The following FTO variants were observed in gnomAD, a reference collection of about 807,000 sequenced individuals.
FTO encodes the protein alpha-ketoglutarate-dependent dioxygenase FTO.
Under a neutral mutation model 63.9 loss-of-function variants are expected in FTO, and 47 were observed. The observed-to-expected ratio is 0.74, with a 90% CI of 0.58 to 0.94. The LOEUF (loss-of-function observed/expected upper bound fraction) is 0.94. Ranked by LOEUF, FTO falls within the 40% of genes least tolerant of loss-of-function variation. FTO has a pLI of 0.00. For synonymous variants in FTO, 207 were observed against 224.4 expected, an observed-to-expected ratio of 0.92 and a Z score of 0.69; for missense variants, 562 against 618.1, an observed-to-expected ratio of 0.91 and a Z score of 0.96.
At chr16:53,714,518 G>A (rs866448017) in intron 1 of FTO, among the ~76,000 whole-genome samples, 1 of 151,908 alleles carries the variant, frequency 6.6e-6, no homozygotes, top group East Asian at 1.9e-4. Context: ...TTGTCTGTCA[G>A]CACAACAGCA....
intron 4 of FTO, among the ~76,000 whole-genome samples, chr16:53,853,318 G>A (rs13337496): frequency 0.39 from 59,067 of 151,932 alleles, 13,995 homozygotes; most frequent in East Asian, 0.83. Context: ...AAAAAAAAAT[G>A]TATTTTAAAT....
At chr16:53,828,148 T>C (rs2079057050) in intron 3 of FTO, among the ~76,000 whole-genome samples, 1 of 152,184 alleles carries the variant, frequency 6.6e-6, no homozygotes, top group Non-Finnish European at 1.5e-5. Context: ...AATATAGAAA[T>C]GTTGGTACTT....
intron 7 of FTO, among the ~76,000 whole-genome samples, chr16:53,890,598 TG>T (rs1380903190): frequency 1.3e-5 from 2 of 152,232 alleles, no homozygotes; most frequent in Non-Finnish European, 2.9e-5. Context: ...GATATACGTC[TG>T]GGGAAGGAAT....
chr16:53,976,026 A>G (rs1245628622), intron 8 of FTO, among the ~76,000 whole-genome samples: 11 of 152,298 alleles, frequency 7.2e-5, no homozygotes, highest in African/African-American at 2.6e-4. Flanking sequence ...CCAAAATAGC[A>G]AAGTTCCCTG....
intron 8 of FTO, among the ~76,000 whole-genome samples, chr16:54,078,014 T>C (rs1458786255): frequency 6.6e-6 from 1 of 152,086 alleles, no homozygotes; most frequent in Non-Finnish European, 1.5e-5. Flanking sequence ...TCCATGCTGG[T>C]GACAAGGGGG....
chr16:54,108,510 C>T (rs1383566912), intron 8 of FTO, among the ~76,000 whole-genome samples: 1 of 152,112 alleles, frequency 6.6e-6, no homozygotes, highest in Non-Finnish European at 1.5e-5. Flanking sequence ...CCCAGAGCTT[C>T]CCCTAGAAGG....
chr16:53,855,962 G>T (rs2079979071), intron 4 of FTO, among the ~76,000 whole-genome samples: 1 of 152,136 alleles, frequency 6.6e-6, no homozygotes, highest in African/African-American at 2.4e-5. Context: ...TTCAATTAGA[G>T]TCACCCTGTT....
intron 8 of FTO, among the ~76,000 whole-genome samples, chr16:54,011,590 G>C (rs1454596514): frequency 6.6e-6 from 1 of 152,170 alleles, no homozygotes; most frequent in Non-Finnish European, 1.5e-5. Flanking sequence ...GTAGAAACCT[G>C]CATTGAGTAA....
chr16:53,894,902 A>G (rs2081239779), intron 7 of FTO, among the ~76,000 whole-genome samples: 2 of 152,282 alleles, frequency 1.3e-5, no homozygotes, highest in South Asian at 2.1e-4. Context: ...TAAGCATCCA[A>G]AAATTCAGTT....
intron 1 of FTO, among the ~76,000 whole-genome samples, chr16:53,777,032 A>G (rs898986045): frequency 2.0e-5 from 3 of 152,188 alleles, no homozygotes; most frequent in Non-Finnish European, 2.9e-5. Flanking sequence ...GCTAATTAAC[A>G]TATCTGTCAC....
At chr16:53,759,953 C>A (rs1169773147) in intron 1 of FTO, among the ~76,000 whole-genome samples, 1 of 152,048 alleles carries the variant, frequency 6.6e-6, no homozygotes. Flanking sequence ...TTAAACTCAT[C>A]TTTTGCTTGG....
chr16:54,038,087 G>T (rs1254584257), intron 8 of FTO, among the ~76,000 whole-genome samples: 2 of 152,142 alleles, frequency 1.3e-5, no homozygotes, highest in African/African-American at 4.8e-5. Flanking sequence ...CTTTATTCCG[G>T]CAGTGAACAC....
intron 8 of FTO, among the ~76,000 whole-genome samples, chr16:54,093,240 A>G (rs2086436296): frequency 6.6e-6 from 1 of 152,216 alleles, no homozygotes. Flanking sequence ...CTCCTGCTAG[A>G]AAGAACAGTT....
chr16:54,104,207 A>G (rs2086697625), intron 8 of FTO, among the ~76,000 whole-genome samples: 1 of 151,922 alleles, frequency 6.6e-6, no homozygotes, highest in Non-Finnish European at 1.5e-5. Context: ...AAGGCCATTG[A>G]GAGGATTGTT....
At position 54,119,578 on chromosome 16, in the gene FTO, G is replaced by T. The variant is rs2086992822; in HGVS notation, c.*7663G>T. 6.6e-6 allele frequency: 1 copy of T among 152,136 alleles called. No individual in the cohort carries two copies. Among genetic ancestry groups the T allele is most frequent in the African/African-American group, 2.4e-5 (1 of 41,408 alleles). The allele number at this position is 152,136 out of a possible 1,614,324, so 9.4% of individuals were successfully genotyped here. On this transcript the variant is annotated 3_prime_UTR_variant, in exon 9 of 9. Coordinates refer to ENST00000471389, the MANE Select transcript of FTO (RefSeq NM_001080432.3). ...CAGGGTCACGCTGAGAGGGATCTCG[G>T]TGAACATGTGAACAATCAAGCCATG...
intron 8 of FTO, among the ~76,000 whole-genome samples, chr16:54,023,361 C>T (rs796946859): frequency 3.2e-4 from 49 of 152,278 alleles, no homozygotes; most frequent in African/African-American, 1.1e-3. Context: ...GACTGATGGC[C>T]GGTAGAGCAG....
intron 8 of FTO, among the ~76,000 whole-genome samples, chr16:54,016,084 G>A (rs1294237746): frequency 6.6e-6 from 1 of 152,116 alleles, no homozygotes; most frequent in Non-Finnish European, 1.5e-5. Context: ...CATGAGGTAG[G>A]TGGCAGTTAT....
intron 3 of FTO, among the ~76,000 whole-genome samples, chr16:53,832,047 A>G (rs1052153601): frequency 2.0e-5 from 3 of 152,142 alleles, no homozygotes; most frequent in African/African-American, 7.2e-5. Context: ...CAGACTAGGG[A>G]TATGATGGTC....
At chr16:53,972,063 T>G (rs779531567) in intron 8 of FTO, among the ~76,000 whole-genome samples, 1 of 152,156 alleles carries the variant, frequency 6.6e-6, no homozygotes, top group Non-Finnish European at 1.5e-5. Flanking sequence ...GGAAAGGCAC[T>G]GAGCCAGTCA....
Sources: allele counts gnomAD v4.1 joint callset (sites outside exome capture counted in the v4.1 genomes callset), GRCh38; gene constraint gnomAD v4.1.1; transcripts MANE v1.5; gene names NCBI Gene and HGNC (gene_info 2026-07-23, HGNC 2026-07-21).